The following CFAP20DC variants were observed in gnomAD, a reference collection of about 807,000 sequenced individuals.
CFAP20DC encodes CFAP20 domain containing, also known as protein CFAP20DC.
A neutral mutation model predicts 101.7 loss-of-function variants in CFAP20DC; 84 were observed. The ratio of observed to expected loss-of-function variants is 0.83; its 90% confidence interval spans 0.69 to 0.99. The LOEUF is 0.99. Ranked by LOEUF, CFAP20DC falls within the 50% of genes least tolerant of loss-of-function variation. The pLI is 0.00. For synonymous variants in CFAP20DC, 359 were observed against 351.2 expected (o/e 1.02, Z -0.25); for missense variants, 1,007 against 970.3 (o/e 1.04, Z -0.50).
intron 7 of CFAP20DC, among the ~76,000 whole-genome samples, chr3:58,872,447 T>C (rs1194848046): frequency 6.6e-6 from 1 of 152,142 alleles, no homozygotes; most frequent in Admixed American, 6.5e-5. Context: ...TATTTAGGTC[T>C]GAGTGGAAGT....
At chr3:58,870,894 CAA>C (rs548763648) in intron 7 of CFAP20DC, among the ~76,000 whole-genome samples, 931 of 18,652 alleles carry the variant, frequency 0.05, no homozygotes, top group African/African-American at 0.094. Flanking sequence ...GACTCCGTCT[CAA>C]AAAAAAAAAA....
chr3:58,771,049 C>T (rs2070795210), intron 15 of CFAP20DC, among the ~76,000 whole-genome samples: 1 of 152,166 alleles, frequency 6.6e-6, no homozygotes, highest in Non-Finnish European at 1.5e-5. Flanking sequence ...GGCACATATA[C>T]ACCATGGAAT....
At chr3:58,794,335 T>TA (rs1376319725) in intron 15 of CFAP20DC, 1 of 455,954 alleles carries the variant, frequency 2.2e-6, no homozygotes, top group Non-Finnish European at 4.4e-6. Context: ...TAAAGGCTTT[T>TA]AAAAATCAAT....
chr3:58,941,418 T>C (rs945944670), intron 4 of CFAP20DC, among the ~76,000 whole-genome samples: 1 of 151,732 alleles, frequency 6.6e-6, no homozygotes, highest in African/African-American at 2.4e-5. Context: ...TTTCTCTATA[T>C]GGTACTTGTT....
rs1448382154 is a variant in CFAP20DC at position 59,006,157 on chromosome 3, A to T, written c.278+33400T>A. Among the ~76,000 whole-genome samples the T allele has an allele frequency of 6.6e-6, 1 of 152,104 alleles. No homozygotes were observed. Among genetic ancestry groups the T allele is most frequent in the Non-Finnish European group, 1.5e-5 (1 of 68,014 alleles). ...GATGGATGGATGGATGGATGGATGG[A>T]CGGGGAGGAGGGGCGAATAGGTTAG... On this transcript the variant is annotated intron_variant, in intron 4 of 16. Coordinates refer to ENST00000482387, the MANE Select transcript of CFAP20DC (RefSeq NM_001394063.1). This position sits in a 1 kb window ranked among gnomAD's most constrained non-coding sequence, Gnocchi z 4.3.
intron 15 of CFAP20DC, among the ~76,000 whole-genome samples, chr3:58,797,135 T>A (rs1052409315): frequency 6.6e-6 from 1 of 152,168 alleles, no homozygotes; most frequent in Admixed American, 6.5e-5. Context: ...AAGAGTCACG[T>A]GTCTCTCACT....
intron 4 of CFAP20DC, among the ~76,000 whole-genome samples, chr3:59,003,418 C>T (rs879428579): frequency 6.6e-6 from 1 of 152,124 alleles, no homozygotes; most frequent in Non-Finnish European, 1.5e-5. Flanking sequence ...TTTAGATGTG[C>T]TTTAGAATAG....
intron 6 of CFAP20DC, among the ~76,000 whole-genome samples, chr3:58,906,869 C>T (rs2107257568): frequency 6.6e-6 from 1 of 152,242 alleles, no homozygotes; most frequent in South Asian, 2.1e-4. Flanking sequence ...GCTGAGGCTG[C>T]AGTGAGCTGT....
Position 58,771,007 on chromosome 3 carries a change from TCCAACAATGA to T in CFAP20DC, c.2238-17154_2238-17145del, listed in dbSNP as rs1386967749. Reference sequence around the variant, plus strand: ...CAAAGACTTGGAACCAACCCAAATGTCCAACAATGATAGACTGGATTAAGAAAATGTGGCA... The same window carrying T: ...CAAAGACTTGGAACCAACCCAAATGTTAGACTGGATTAAGAAAATGTGGCA... On this transcript the variant is annotated intron_variant, in intron 15 of 16. Coordinates refer to ENST00000482387, the MANE Select transcript of CFAP20DC (RefSeq NM_001394063.1). Among the ~76,000 whole-genome samples the T allele has an allele frequency of 5.8e-4, 89 of 152,204 alleles. 1 individual carries two copies. Among genetic ancestry groups the T allele is most frequent in the African/African-American group, 2.0e-3 (83 of 41,530 alleles).
At chr3:58,821,402 A>G (rs1368141303) in intron 14 of CFAP20DC, among the ~76,000 whole-genome samples, 1 of 152,192 alleles carries the variant, frequency 6.6e-6, no homozygotes, top group Non-Finnish European at 1.5e-5. Flanking sequence ...TCATCTGACA[A>G]AGGGCTAATA....
At chr3:59,022,150 T>C (rs1002493758) in intron 4 of CFAP20DC, among the ~76,000 whole-genome samples, 3 of 152,074 alleles carry the variant, frequency 2.0e-5, no homozygotes, top group Non-Finnish European at 4.4e-5. Context: ...TAAATTCATT[T>C]TTTAAAAGTG....
At chr3:58,833,145 A>G (rs937205615) in intron 13 of CFAP20DC, among the ~76,000 whole-genome samples, 8 of 152,174 alleles carry the variant, frequency 5.3e-5, no homozygotes, top group African/African-American at 1.9e-4. Flanking sequence ...GCTTTATAAT[A>G]AAACATTATT....
chr3:58,842,479 C>G (rs1006571345), intron 13 of CFAP20DC, among the ~76,000 whole-genome samples: 2 of 152,052 alleles, frequency 1.3e-5, no homozygotes, highest in African/African-American at 4.8e-5. Context: ...CGGCGCACCA[C>G]GAGACTATAT....
intron 14 of CFAP20DC, among the ~76,000 whole-genome samples, chr3:58,820,636 A>G (rs1195723189): frequency 6.6e-6 from 1 of 152,070 alleles, no homozygotes; most frequent in East Asian, 1.9e-4. Flanking sequence ...GCTCAAGGAA[A>G]TAAAAGAAGA....
rs6761969 is a variant in CFAP20DC at position 58,989,013 on chromosome 3, T to C, written c.278+50544A>G. On this transcript the variant is annotated intron_variant, in intron 4 of 16. Coordinates refer to ENST00000482387, the MANE Select transcript of CFAP20DC (RefSeq NM_001394063.1). ...GTTAGATAACACAAGATGAAATTAG[T>C]GCATTGCATTTAAACAATACTAAAT... 4.2e-3 allele frequency among the ~76,000 whole-genome samples: 646 copies of C among 152,246 alleles called. 7 individuals carry two copies. Among genetic ancestry groups the C allele is most frequent in the African/African-American group, 0.015 (621 of 41,574 alleles).
chr3:59,010,026 C>T (rs2093544194), intron 4 of CFAP20DC, among the ~76,000 whole-genome samples: 1 of 152,022 alleles, frequency 6.6e-6, no homozygotes, highest in South Asian at 2.1e-4. Flanking sequence ...TCACCACTAC[C>T]AACCCAGTAC....
At chr3:58,815,138 T>C (rs2075008360) in intron 14 of CFAP20DC, among the ~76,000 whole-genome samples, 3 of 150,638 alleles carry the variant, frequency 2.0e-5, no homozygotes, top group Admixed American at 1.3e-4. Flanking sequence ...CAAAACAGCA[T>C]GGTACTGGTA....
At chr3:58,819,856 C>G (rs1304588531) in intron 14 of CFAP20DC, among the ~76,000 whole-genome samples, 3 of 148,924 alleles carry the variant, frequency 2.0e-5, no homozygotes, top group Non-Finnish European at 3.0e-5. Flanking sequence ...GAATTTTAGA[C>G]CAATATCCTT....
intron 16 of CFAP20DC, 65 bp downstream of exon 16, chr3:58,753,704 G>T: frequency 9.3e-7 from 1 of 1,069,838 alleles, no homozygotes; most frequent in South Asian, 1.4e-5. Flanking sequence ...TCAAAGTGAT[G>T]GATTCTCTCT....
Sources: gnomAD v4.1 joint callset for allele counts (sites outside exome capture counted in the v4.1 genomes callset) on GRCh38, gnomAD v4.1.1 for gene constraint, Gnocchi (gnomAD v3.1) non-coding constraint, MANE v1.5 for transcripts, NCBI Gene and HGNC (gene_info 2026-07-23, HGNC 2026-07-21) for gene names.